Variants in KARS1 observed in about 807,000 individuals in gnomAD.
KARS1 encodes lysine--tRNA ligase.
A neutral mutation model predicts 63.9 loss-of-function variants in KARS1; 50 were observed. That is an observed-to-expected ratio of 0.78 (90% CI 0.62 to 0.99). The LOEUF is 0.99. KARS1 is among the 50% of genes least tolerant of loss of function. The pLI is 0.00. For synonymous variants in KARS1, 320 were observed against 264.6 expected, an observed-to-expected ratio of 1.21 and a Z score of -2.03; for missense variants, 816 against 754.5, an observed-to-expected ratio of 1.08 and a Z score of -0.95.
At chr16:75,640,583 G>C (rs964706329) in intron 2 of KARS1, among the ~76,000 whole-genome samples, 1 of 152,244 alleles carries the variant, frequency 6.6e-6, no homozygotes, top group African/African-American at 2.4e-5. Flanking sequence ...AAAAACCTGA[G>C]TTCTGCCTAA....
Position 75,647,600 on chromosome 16 carries a change from T to A in KARS1, c.40A>T (p.Ser14Cys). 6.2e-7 allele frequency: 1 copy of A among 1,613,434 alleles called. No homozygotes were observed. Among genetic ancestry groups the A allele is most frequent in the Non-Finnish European group, 8.5e-7 (1 of 1,179,836 alleles). The change falls in exon 1 of 14, where the codon AGC (serine) becomes TGC (cysteine). Residue 14 changes from serine (S) to cysteine (C), a missense_variant. Physicochemically the swap from Ser to Cys is moderately radical, Grantham distance 112. Transcript: ENST00000302445. ...CACTTCTTGCTCAGTTTCGGCTCGC[T>A]GCCATCCACTTTCACCTCGGCCGCC... is the stretch of plus-strand genomic sequence containing the variant. The part of the protein sequence containing the change: ...VQAAEVKVDG[S>C]EPKLSKNELK...
chr16:75,641,543 C>G, intron 2 of KARS1, 21 bp downstream of exon 2: 1 of 1,608,636 alleles, frequency 6.2e-7, no homozygotes, highest in South Asian at 1.1e-5. Flanking sequence ...CCCAACCATG[C>G]TGGTGGCCCA....
chr16:75,629,953 G>C (rs2082093676), intron 11 of KARS1, among the ~76,000 whole-genome samples: 1 of 152,234 alleles, frequency 6.6e-6, no homozygotes, highest in Non-Finnish European at 1.5e-5. Context: ...GACCAGGAAG[G>C]TTTAATGATC....
rs374675852 is a variant in KARS1 at position 75,647,640 on chromosome 16, C to A, written c.-1G>T. ...CCTCGGCCGCCTGCACGGCCGCCAT[C>A]TTCCCGGAGGGCCCGACCCAAAAGT... On this transcript the variant is annotated 5_prime_UTR_variant, in exon 1 of 14. Transcript: ENST00000302445. 1.2e-4 allele frequency: 192 copies of A among 1,613,842 alleles called. 1 individual carries two copies. Among genetic ancestry groups the A allele is most frequent in the Admixed American group, 7.7e-4 (46 of 59,996 alleles).
At chr16:75,639,007 A>C (rs1309391874) in intron 3 of KARS1, among the ~76,000 whole-genome samples, 1 of 151,376 alleles carries the variant, frequency 6.6e-6, no homozygotes, top group Non-Finnish European at 1.5e-5. Context: ...GTCTCTACTA[A>C]AGATACAAAA....
chr16:75,638,060 T>C (rs2082182571), intron 3 of KARS1, among the ~76,000 whole-genome samples: 2 of 152,258 alleles, frequency 1.3e-5, no homozygotes, highest in African/African-American at 4.8e-5. Context: ...TCAGGAAAAC[T>C]GATTTCATGT....
rs754054504 is a variant in KARS1, at chr16:75,635,705, A to C, written c.770T>G (p.Phe257Cys). Residue 257 changes from phenylalanine (F) to cysteine (C), a missense_variant, in exon 6 of 14, where the codon TTC becomes TGC. Coordinates refer to ENST00000302445, the MANE Select transcript of KARS1 (RefSeq NM_005548.3). ...RSKIITYIRS[F>C]LDELGFLEIE... Reference sequence around the variant, plus strand: ...CTCTAGGAATCCCAGCTCATCTAAGAAACTTCTTATATATGTGATGATCTT... The same window carrying C: ...CTCTAGGAATCCCAGCTCATCTAAGCAACTTCTTATATATGTGATGATCTT... The C allele has an allele frequency of 6.2e-7, 1 of 1,614,186 alleles. No homozygotes were observed. Among genetic ancestry groups the C allele is most frequent in the Admixed American group, 1.7e-5 (1 of 60,010 alleles).
intron 1 of KARS1, among the ~76,000 whole-genome samples, chr16:75,645,160 A>C (rs543051692): frequency 2.0e-5 from 3 of 152,326 alleles, no homozygotes; most frequent in Non-Finnish European, 4.4e-5. Context: ...AAAATTTCAG[A>C]CCAAGGAATT....
chr16:75,635,637 A>G, intron 6 of KARS1, 43 bp downstream of exon 6: 2 of 1,611,208 alleles, frequency 1.2e-6, no homozygotes, highest in South Asian at 1.1e-5. Flanking sequence ...GGAGGCAAGC[A>G]TTGCAAGGCA....
At chr16:75,642,185 CTTTTTTTTT>C (rs148991591) in intron 1 of KARS1, among the ~76,000 whole-genome samples, 35 of 63,188 alleles carry the variant, frequency 5.5e-4, no homozygotes, top group East Asian at 2.0e-3. Flanking sequence ...AGTGCCAGGT[CTTTTTTTTT>C]TTTTTTTTTT....
In KARS1 at chr16:75,628,685, T is replaced by C. The variant is rs1413098028; in HGVS notation, c.1579A>G (p.Met527Val). 1.2e-6 allele frequency: 2 copies of C among 1,614,076 alleles called. No homozygotes were observed. Among genetic ancestry groups the C allele is most frequent in the Non-Finnish European group, 8.5e-7 (1 of 1,180,046 alleles). The change falls in exon 13 of 14, where the codon ATG (methionine) becomes GTG (valine). Residue 527 changes from methionine to valine, a missense_variant. By Grantham distance (21) the Met-to-Val change is conservative. Transcript: ENST00000302445. ...KAKAAGDDEA[M>V]FIDENFCTAL... ...GTACAGAAGTTTTCATCTATGAACATGGCCTCATCATCACCTGCAGCCTTG... is the reference window on the plus strand; with the variant it reads ...GTACAGAAGTTTTCATCTATGAACACGGCCTCATCATCACCTGCAGCCTTG...
At chr16:75,629,641 G>A (rs11649491) in intron 11 of KARS1, 100 bp from the exon 12 acceptor site, 15 of 1,265,824 alleles carry the variant, frequency 1.2e-5, no homozygotes, top group Admixed American at 3.5e-5. Flanking sequence ...GCTCTGTCAC[G>A]CAGGCTGGAG....
intron 6 of KARS1, among the ~76,000 whole-genome samples, chr16:75,634,679 C>T (rs979116708): frequency 2.0e-5 from 3 of 152,130 alleles, no homozygotes; most frequent in African/African-American, 7.2e-5. Context: ...GGGTTCACAC[C>T]ATTCTCCTGA....
chr16:75,631,966 C>T (rs2082120081), intron 7 of KARS1, 111 bp from the exon 8 acceptor site: 2 of 1,239,952 alleles, frequency 1.6e-6, no homozygotes, highest in Non-Finnish European at 1.2e-6. Flanking sequence ...CAGCTCACCG[C>T]AACCTCCGCC....
Position 75,636,557 on chromosome 16 carries a change from G to A in KARS1, c.389-10C>T. On this transcript the variant is annotated splice_polypyrimidine_tract_variant and intron_variant, in intron 3 of 13. Coordinates refer to ENST00000302445, the MANE Select transcript of KARS1 (RefSeq NM_005548.3). ...TTGGCATGGATCCTACCTAGAAAAA[G>A]AAGAGCAAAAATACTGACTGACAGA... 1 of 1,550,364 alleles carries A rather than the reference G, an allele frequency of 6.5e-7. No homozygotes were observed. Among genetic ancestry groups the A allele is most frequent in the South Asian group, 1.1e-5 (1 of 89,700 alleles).
chr16:75,636,141 G>T, intron 4 of KARS1, 43 bp from the exon 5 acceptor site: 1 of 1,217,562 alleles, frequency 8.2e-7, no homozygotes, highest in South Asian at 1.2e-5. Context: ...CAATTCAAAT[G>T]AACACTGACC....
In KARS1 at chr16:75,635,716, A is replaced by G. The variant is rs538215630; in HGVS notation, c.759T>C (p.Tyr253=). The G allele has an allele frequency of 9.4e-5, 151 of 1,614,130 alleles. No individual in the cohort carries two copies. The East Asian group carries it at 2.3e-3, about 24-fold the overall frequency. ...KFIIRSKIIT[Y]IRSFLDELGF... is the part of the protein sequence containing the mutation. ...CCAGCTCATCTAAGAAACTTCTTATATATGTGATGATCTTAGAGCGGATGA... is the reference window on the plus strand; with the variant it reads ...CCAGCTCATCTAAGAAACTTCTTATGTATGTGATGATCTTAGAGCGGATGA... The change falls in exon 6 of 14, where the codon TAT becomes TAC. Residue 253 remains tyrosine (Y), a synonymous_variant. Transcript: ENST00000302445.
At chr16:75,636,608 T>C (rs1173072785) in intron 3 of KARS1, 61 bp from the exon 4 acceptor site, 13 of 1,074,968 alleles carry the variant, frequency 1.2e-5, no homozygotes, top group Non-Finnish European at 1.8e-5. Flanking sequence ...ATGGTATCAG[T>C]GTCAAAAAAA....
At chr16:75,636,630 C>T in intron 3 of KARS1, 83 bp from the exon 4 acceptor site, 1 of 881,160 alleles carries the variant, frequency 1.1e-6, no homozygotes, top group Non-Finnish European at 1.8e-6. Context: ...ACTCCCTCTG[C>T]ATTTTTTTTT....
Sources: allele counts gnomAD v4.1 joint callset (sites outside exome capture counted in the v4.1 genomes callset), GRCh38; gene constraint gnomAD v4.1.1; transcripts MANE v1.5; gene names NCBI Gene and HGNC (gene_info 2026-07-23, HGNC 2026-07-21).